CEL: variants seen among roughly 807,000 people sequenced by gnomAD.
CEL encodes bile salt-activated lipase.
Under a neutral mutation model 57.1 loss-of-function variants are expected in CEL, and 39 were observed. That is an observed-to-expected ratio of 0.68 (90% CI 0.53 to 0.89). The LOEUF (loss-of-function observed/expected upper bound fraction) is 0.89. Ranked by LOEUF, CEL falls within the 40% of genes least tolerant of loss-of-function variation. CEL has a pLI of 0.00. For synonymous variants in CEL, 314 were observed against 396.6 expected (o/e 0.79, Z 2.48); for missense variants, 698 against 915.0 (o/e 0.76, Z 3.06).
chr9:133,070,783 G>A (rs1165139357), intron 10 of CEL, 125 bp downstream of exon 10: 20 of 1,302,456 alleles, frequency 1.5e-5, no homozygotes, highest in Middle Eastern at 2.4e-4. Flanking sequence ...CCCCTGCATC[G>A]GAATCCATGT....
Position 133,071,825 on chromosome 9 carries a change from A to G in CEL, c.*61A>G, listed in dbSNP as rs1210364112. 1 of 1,450,956 alleles carries G rather than the reference A, an allele frequency of 6.9e-7. No homozygotes were observed. The highest frequency in any genetic ancestry group is 9.6e-7 in the Non-Finnish European group (1 of 1,037,144). The allele number at this position is 1,450,956 out of a possible 1,614,324, so 89.9% of individuals were successfully genotyped here. On this transcript the variant is annotated 3_prime_UTR_variant, in exon 11 of 11. Coordinates refer to ENST00000372080, the MANE Select transcript of CEL (RefSeq NM_001807.6). ...GTGGGACCCCAGGGGCTCCCCTCCC[A>G]TCTTGAGCTCTTCCTGAATAAAGCC...
intron 4 of CEL, 93 bp downstream of exon 4, chr9:133,065,330 G>A (rs1830161494): frequency 7.0e-7 from 1 of 1,423,512 alleles, no homozygotes; most frequent in African/African-American, 1.4e-5. Flanking sequence ...CAAACAACCA[G>A]TGGCGGTTCA....
rs113086096 is a variant in CEL, at chr9:133,067,384, C to CT, written c.895+188dup. ...TAAGGGAGAGGGGGTGCCGTTTCTT[C>CT]TTTTTTTTTGAGATGGAGTCTCACT... On this transcript the variant is annotated intron_variant, in intron 7 of 10. Transcript: ENST00000372080. Among the ~76,000 whole-genome samples, 1,557 of 151,322 alleles carry CT rather than the reference C, an allele frequency of 0.01. 27 individuals carry two copies. Among genetic ancestry groups the CT allele is most frequent in the African/African-American group, 0.036 (1,502 of 41,246 alleles).
chr9:133,071,611 G>A lies in CEL; in HGVS notation c.2109G>A (p.Val703=). The A allele has an allele frequency of 6.8e-7, 1 of 1,464,604 alleles. No homozygotes were observed. 90.7% of individuals were successfully genotyped at this position (1,464,604 alleles called of 1,614,324 possible). The change falls in exon 11 of 11, where the codon GTG becomes GTA. Residue 703 remains valine (V), a synonymous_variant. Transcript: ENST00000372080. ...CGGGTGACTCCGGGGCCCCCCCCGT[G>A]ACCCCCACGGGTGACTCCGAGACCG... The part of the protein sequence containing the change: ...PPTGDSGAPP[V]TPTGDSETAP...
chr9:133,070,690 C>A (rs750271915), intron 10 of CEL, 32 bp downstream of exon 10: 3 of 1,613,692 alleles, frequency 1.9e-6, no homozygotes, highest in Admixed American at 3.3e-5. Context: ...GGGCGGAGGG[C>A]CACAGCCGAG....
chr9:133,063,422 C>T (rs1275793376), intron 1 of CEL, among the ~76,000 whole-genome samples: 2 of 152,216 alleles, frequency 1.3e-5, no homozygotes, highest in African/African-American at 2.4e-5. Flanking sequence ...CACTCTCCCA[C>T]ACCAGTGTGA....
In CEL at chr9:133,066,898, C is replaced by T; in HGVS notation, c.730C>T (p.Leu244=). 4 of 1,567,434 alleles carry T rather than the reference C, an allele frequency of 2.6e-6. No homozygotes were observed. The highest frequency in any genetic ancestry group is 1.1e-5 in the South Asian group (1 of 90,388). Residue 244 remains leucine (L), a synonymous_variant, in exon 6 of 11, where the codon CTG becomes TTG. Transcript: ENST00000372080. The surrounding 1 kb of genome is among the most constrained non-coding windows in gnomAD (Gnocchi z 4.3). ...AGCCATCAGCCAGAGCGGCGTGGCC[C>T]TGAGTCCCTGGGTCATCCAGAAAAA... is the stretch of plus-strand genomic sequence containing the variant. ...RRAISQSGVA[L]SPWVIQKNPL...
At position 133,064,732 on chromosome 9, in the gene CEL, A is replaced by G; in HGVS notation, c.310A>G (p.Asn104Asp). The G allele has an allele frequency of 6.2e-7, 1 of 1,614,020 alleles. No homozygotes were observed. Residue 104 changes from asparagine to aspartate, a missense_variant, in exon 3 of 11, where the codon AAC (asparagine) becomes GAC (aspartate). This residue lies in a region of CEL where 327 missense variants were observed against 374.1 expected (regional missense o/e 0.87). Coordinates refer to ENST00000372080, the MANE Select transcript of CEL (RefSeq NM_001807.6). ...TYGDEDCLYL[N>D]IWVPQGRKQV... ...CGGGGATGAAGACTGCCTGTACCTC[A>G]ACATTTGGGTGCCCCAGGGCAGGAA...
rs375451730 is a variant in CEL, at chr9:133,067,123, C to T, written c.813C>T (p.Ala271=). 93 of 1,614,016 alleles carry T rather than the reference C, an allele frequency of 5.8e-5. No homozygotes were observed. The highest frequency in any genetic ancestry group is 9.9e-5 in the South Asian group (9 of 91,088). Reference sequence around the variant, plus strand: ...AGGTGGGTTGCCCTGTGGGTGATGCCGCCAGGATGGCCCAGTGTCTGAAGG... The same window carrying T: ...AGGTGGGTTGCCCTGTGGGTGATGCTGCCAGGATGGCCCAGTGTCTGAAGG... ...AEKVGCPVGD[A]ARMAQCLKVT... The change falls in exon 7 of 11, where the codon GCC becomes GCT. Residue 271 remains alanine (A), a synonymous_variant. Transcript: ENST00000372080.
chr9:133,066,751 G>C lies in CEL; in HGVS notation c.670-87G>C. 3 of 1,608,128 alleles carry C rather than the reference G, an allele frequency of 1.9e-6. No homozygotes were observed. The East Asian group carries it at 6.7e-5, about 36-fold the overall frequency. ...GGGTGGGAGGAGGAGCGTGGAGCTG[G>C]GGCTGTGGTGCTGGGGTGTCCTTGT... is the stretch of plus-strand genomic sequence containing the variant. On this transcript the variant is annotated intron_variant, in intron 5 of 10. Transcript: ENST00000372080. The surrounding 1 kb of genome is among the most constrained non-coding windows in gnomAD (Gnocchi z 4.3).
intron 3 of CEL, 58 bp from the exon 4 acceptor site, chr9:133,064,982 C>T (rs2119059776): frequency 1.2e-5 from 19 of 1,601,932 alleles, no homozygotes; most frequent in Non-Finnish European, 1.6e-5. Flanking sequence ...GACAGGGGAC[C>T]GGCTGGAGAC....
At position 133,064,665 on chromosome 9, in the gene CEL, G is replaced by A. The variant is rs894470370; in HGVS notation, c.243G>A (p.Lys81=). 3 of 1,614,054 alleles carry A rather than the reference G, an allele frequency of 1.9e-6. No individual in the cohort carries two copies. Among genetic ancestry groups the A allele is most frequent in the East Asian group, 2.2e-5 (1 of 44,872 alleles). The change falls in exon 3 of 11, where the codon AAG becomes AAA. Residue 81 remains lysine (K), a synonymous_variant. Coordinates refer to ENST00000372080, the MANE Select transcript of CEL (RefSeq NM_001807.6). ...GGACCCTGAAGGCCAAGAACTTCAA[G>A]AAGAGATGCCTGCAGGCCACCATCA... ...WQGTLKAKNF[K]KRCLQATITQ... is the part of the protein sequence containing the mutation.
chr9:133,064,379 G>C, intron 1 of CEL, 25 bp from the exon 2 acceptor site: 1 of 1,610,956 alleles, frequency 6.2e-7, no homozygotes, highest in Non-Finnish European at 8.5e-7. Flanking sequence ...GAGCCCCCCT[G>C]ACCCTGCCCG....
chr9:133,066,961 C>CCTG lies in CEL; in HGVS notation c.777+16_777+17insCTG. ...GGCCAAAAAGGTAAACGGAGGAGGG[C>CCTG]AGGGCTGGGCGGGGTGGGGGCTGTC... On this transcript the variant is annotated intron_variant, in intron 6 of 10. Transcript: ENST00000372080. The surrounding 1 kb of genome is among the most constrained non-coding windows in gnomAD (Gnocchi z 4.3). 2 of 981,786 alleles carry CCTG rather than the reference C, an allele frequency of 2.0e-6. No individual in the cohort carries two copies. The highest frequency in any genetic ancestry group is 3.1e-6 in the Non-Finnish European group (2 of 650,484). 60.8% of individuals were successfully genotyped at this position (981,786 alleles called of 1,614,324 possible). A position where few individuals can be genotyped will look rare whatever the true frequency, so the allele number is the denominator to read the frequency against.
intron 7 of CEL, 42 bp downstream of exon 7, chr9:133,067,247 G>A: frequency 6.5e-7 from 1 of 1,548,258 alleles, no homozygotes; most frequent in Non-Finnish European, 8.9e-7. Context: ...CTCGAGGTGG[G>A]GGTTGAGGGG....
intron 4 of CEL, 79 bp downstream of exon 4, chr9:133,065,316 A>T: frequency 6.7e-7 from 1 of 1,495,370 alleles, no homozygotes; most frequent in South Asian, 1.1e-5. Flanking sequence ...AGCACCCCTC[A>T]CCCCAAACAA....
In CEL at chr9:133,071,606, C is replaced by T. The variant is rs1172741723; in HGVS notation, c.2104C>T (p.Pro702Ser). 6.9e-7 allele frequency: 1 copy of T among 1,453,204 alleles called. No homozygotes were observed. The highest frequency in any genetic ancestry group is 1.2e-5 in the South Asian group (1 of 83,984). 90.0% of individuals were successfully genotyped at this position (1,453,204 alleles called of 1,614,324 possible). A position where few individuals can be genotyped will look rare whatever the true frequency, so the allele number is the denominator to read the frequency against. Residue 702 changes from proline (P) to serine (S), a missense_variant, in exon 11 of 11, where the codon CCC (proline) becomes TCC (serine). Coordinates refer to ENST00000372080, the MANE Select transcript of CEL (RefSeq NM_001807.6). Reference protein sequence around the residue: ...VPPTGDSGAPPVTPTGDSETA... With the variant: ...VPPTGDSGAPSVTPTGDSETA... ...GCCCACGGGTGACTCCGGGGCCCCC[C>T]CCGTGACCCCCACGGGTGACTCCGA...
At position 133,066,978 on chromosome 9, in the gene CEL, G is replaced by A. The variant is rs1302031452; in HGVS notation, c.777+33G>A. On this transcript the variant is annotated intron_variant, in intron 6 of 10. Coordinates refer to ENST00000372080, the MANE Select transcript of CEL (RefSeq NM_001807.6). The surrounding 1 kb of genome is among the most constrained non-coding windows in gnomAD (Gnocchi z 4.3). The stretch of plus-strand genomic sequence containing the variant: ...GAGGAGGGCAGGGCTGGGCGGGGTG[G>A]GGGCTGTCCACATTTCCGTTCTTTA... The A allele has an allele frequency of 3.8e-6, 6 of 1,590,924 alleles. No homozygotes were observed. The highest frequency in any genetic ancestry group is 5.2e-6 in the Non-Finnish European group (6 of 1,159,382).
At chr9:133,064,270 G>C in intron 1 of CEL, 134 bp from the exon 2 acceptor site, 1 of 1,174,476 alleles carries the variant, frequency 8.5e-7, no homozygotes, top group East Asian at 2.5e-5. Context: ...TGCTGCCTGG[G>C]TCTCCTGTGC....
Sources: allele counts gnomAD v4.1 joint callset (sites outside exome capture counted in the v4.1 genomes callset), GRCh38; gene constraint gnomAD v4.1.1; regional missense constraint gnomAD v4.1.1; non-coding constraint Gnocchi (gnomAD v3.1); transcripts MANE v1.5; gene names NCBI Gene and HGNC (gene_info 2026-07-23, HGNC 2026-07-21).